MSH3: variants seen among roughly 807,000 people sequenced by gnomAD.
MSH3 encodes DNA mismatch repair protein Msh3.
A neutral mutation model predicts 123.3 loss-of-function variants in MSH3; 106 were observed. The observed-to-expected ratio is 0.86, with a 90% CI of 0.73 to 1.01. MSH3 has a LOEUF of 1.01. Ranked by LOEUF, MSH3 falls within the 50% of genes least tolerant of loss-of-function variation. The pLI, the probability that MSH3 is intolerant of heterozygous loss-of-function variation, is 0.00. For synonymous variants in MSH3, 515 were observed against 481.4 expected, an observed-to-expected ratio of 1.07 and a Z score of -0.91; for missense variants, 1,459 against 1,347.6, an observed-to-expected ratio of 1.08 and a Z score of -1.29.
chr5:80,661,229 A>T (rs989384792), intron 2 of MSH3, among the ~76,000 whole-genome samples: 5 of 152,132 alleles, frequency 3.3e-5, no homozygotes, highest in Non-Finnish European at 5.9e-5. Context: ...TTATTGTTTC[A>T]CATTTTTTCT....
At position 80,678,988 on chromosome 5, in the gene MSH3, C is replaced by A; in HGVS notation, c.1235C>A (p.Ser412Ter). 2 of 1,614,128 alleles carry A rather than the reference C, an allele frequency of 1.2e-6. No individual in the cohort carries two copies. The highest frequency in any genetic ancestry group is 4.5e-5 in the East Asian group (2 of 44,882). ...AGTTTCCAGGACTCTGCTTCTCGTTCAGAGCTAGAAACCCGGATGTCAAGC... is the reference window on the plus strand; with the variant it reads ...AGTTTCCAGGACTCTGCTTCTCGTTAAGAGCTAGAAACCCGGATGTCAAGC... ...FDSFQDSASRSELETRMSSLQ... is the reference protein window; with the variant it reads ...FDSFQDSASR Residue 412 changes from serine (S) to a stop codon, truncating the protein, a stop_gained, in exon 8 of 24, where the codon TCA (serine) becomes TAA (stop). Coordinates refer to ENST00000265081, the MANE Select transcript of MSH3 (RefSeq NM_002439.5). LOFTEE classifies it high-confidence loss of function.
Position 80,654,984 on chromosome 5 carries a change from G to A in MSH3, c.237+20G>A, listed in dbSNP as rs1455468970. On this transcript the variant is annotated intron_variant, in intron 1 of 23. Coordinates refer to ENST00000265081, the MANE Select transcript of MSH3 (RefSeq NM_002439.5). ...CACATAGTAGGTTCTGTCTGGGACT[G>A]GGCAGGGCCATCGGGGCTGGGGGGG... 2.1e-6 allele frequency: 3 copies of A among 1,398,016 alleles called. No individual in the cohort carries two copies. Among genetic ancestry groups the A allele is most frequent in the Non-Finnish European group, 2.8e-6 (3 of 1,063,806 alleles). 86.6% of individuals were successfully genotyped at this position (1,398,016 alleles called of 1,614,324 possible).
At chr5:80,713,030 G>T (rs937086085) in intron 8 of MSH3, among the ~76,000 whole-genome samples, 2 of 152,174 alleles carry the variant, frequency 1.3e-5, no homozygotes, top group African/African-American at 4.8e-5. Flanking sequence ...TATTACCAAT[G>T]AGTTCACTGT....
chr5:80,669,279 C>G (rs1173060505), intron 3 of MSH3, among the ~76,000 whole-genome samples: 3 of 152,088 alleles, frequency 2.0e-5, no homozygotes, highest in Non-Finnish European at 2.9e-5. Flanking sequence ...CTCCCCTCTT[C>G]TTTTTGGTCA....
chr5:80,762,538 T>G (rs1247098540), intron 13 of MSH3, among the ~76,000 whole-genome samples: 3 of 151,642 alleles, frequency 2.0e-5, no homozygotes, highest in African/African-American at 7.2e-5. Flanking sequence ...GAATCTGTAT[T>G]TAGACCCAGG....
chr5:80,693,923 G>A (rs1750410598), intron 8 of MSH3, among the ~76,000 whole-genome samples: 1 of 152,138 alleles, frequency 6.6e-6, no homozygotes, highest in Non-Finnish European at 1.5e-5. Context: ...GCCTCCCAAA[G>A]TGCTGGGATT....
intron 20 of MSH3, among the ~76,000 whole-genome samples, chr5:80,846,314 G>C (rs1257205255): frequency 2.6e-5 from 4 of 151,778 alleles, no homozygotes; most frequent in Non-Finnish European, 5.9e-5. Context: ...TGAGGTGTCT[G>C]TCGGTCCCTA....
intron 8 of MSH3, among the ~76,000 whole-genome samples, chr5:80,712,671 G>T (rs1482535871): frequency 4.3e-5 from 6 of 141,150 alleles, no homozygotes; most frequent in African/African-American, 1.6e-4. Context: ...TAATATGTCA[G>T]ATATATTTGA....
intron 22 of MSH3, among the ~76,000 whole-genome samples, chr5:80,872,461 C>T (rs924459547): frequency 6.6e-6 from 1 of 151,798 alleles, no homozygotes. Flanking sequence ...AGAGTCAGAC[C>T]CTGTCTCAGA....
intron 1 of MSH3, 56 bp from the exon 2 acceptor site, chr5:80,656,355 C>T (rs551267222): frequency 6.1e-5 from 98 of 1,608,882 alleles, no homozygotes; most frequent in Middle Eastern, 3.3e-4. Context: ...GCTTCACATA[C>T]GTCAGGCCTT....
At chr5:80,859,615 A>G (rs910943852) in intron 21 of MSH3, among the ~76,000 whole-genome samples, 4 of 145,536 alleles carry the variant, frequency 2.7e-5, no homozygotes, top group Non-Finnish European at 3.1e-5. Flanking sequence ...ACTTTTTTCT[A>G]TTTGTTGTTC....
chr5:80,813,156 C>G (rs1463542410), intron 19 of MSH3, among the ~76,000 whole-genome samples: 1 of 152,126 alleles, frequency 6.6e-6, no homozygotes, highest in Non-Finnish European at 1.5e-5. Context: ...AGTCATCTAC[C>G]TATAACTGAA....
chr5:80,730,896 T>TA (rs62886360), intron 10 of MSH3, among the ~76,000 whole-genome samples: 196 of 67,106 alleles, frequency 2.9e-3, no homozygotes, highest in Middle Eastern at 9.8e-3. Flanking sequence ...ATATATATAT[T>TA]TTTTTTTTTT....
At chr5:80,749,949 G>T (rs1743802900) in intron 12 of MSH3, among the ~76,000 whole-genome samples, 1 of 151,998 alleles carries the variant, frequency 6.6e-6, no homozygotes, top group Non-Finnish European at 1.5e-5. Flanking sequence ...TTACATATAA[G>T]TGAGATGATG....
At chr5:80,713,621 A>T (rs926215226) in intron 8 of MSH3, among the ~76,000 whole-genome samples, 3 of 152,200 alleles carry the variant, frequency 2.0e-5, no homozygotes, top group African/African-American at 7.2e-5. Flanking sequence ...GATCTGGGTC[A>T]ATTATATAAT....
intron 8 of MSH3, among the ~76,000 whole-genome samples, chr5:80,710,024 T>A (rs1317984556): frequency 2.0e-5 from 3 of 152,256 alleles, no homozygotes; most frequent in African/African-American, 7.2e-5. Flanking sequence ...ATTCTAAAGC[T>A]GTCCCACTTC....
At chr5:80,838,774 A>G (rs910740759) in intron 20 of MSH3, among the ~76,000 whole-genome samples, 1 of 152,174 alleles carries the variant, frequency 6.6e-6, no homozygotes, top group Non-Finnish European at 1.5e-5. Context: ...CACAGTACTT[A>G]GTGGCTAAGC....
chr5:80,729,430 A>ATGTGTGTGTGTGTGTGTG (rs71594671), intron 10 of MSH3, among the ~76,000 whole-genome samples: 17 of 78,372 alleles, frequency 2.2e-4, no homozygotes, highest in African/African-American at 7.8e-4. Flanking sequence ...AAAAAAAAAA[A>ATGTGTGTGTGTGTGTGTG]TGTGTGTGTG....
rs780393317 is a variant in MSH3, at chr5:80,670,167, C to T, written c.650C>T (p.Ala217Val). 1.9e-6 allele frequency: 3 copies of T among 1,614,132 alleles called. No homozygotes were observed. The Admixed American group carries it at 5.0e-5, about 27-fold the overall frequency. The change falls in exon 4 of 24, where the codon GCT becomes GTT. Residue 217 changes from alanine to valine, a missense_variant. Coordinates refer to ENST00000265081, the MANE Select transcript of MSH3 (RefSeq NM_002439.5). ...NTSHENLQKTASKSANKRSKS... is the reference protein window; with the variant it reads ...NTSHENLQKTVSKSANKRSKS... ...AGTCATGAAAATTTACAGAAAACTG[C>T]TTCCAAATCAGCTAACAAACGGTCC...
Sources: gnomAD v4.1 joint callset for allele counts (sites outside exome capture counted in the v4.1 genomes callset) on GRCh38, gnomAD v4.1.1 for gene constraint, MANE v1.5 for transcripts, NCBI Gene and HGNC (gene_info 2026-07-23, HGNC 2026-07-21) for gene names.